The following TSPAN12 variants were observed in gnomAD, a reference collection of about 807,000 sequenced individuals.
TSPAN12 encodes tetraspanin-12.
A neutral mutation model predicts 39.2 loss-of-function variants in TSPAN12; 19 were observed. That is an observed-to-expected ratio of 0.49 (90% CI 0.34 to 0.71). The LOEUF (loss-of-function observed/expected upper bound fraction) is 0.71, where lower values mean the gene tolerates loss of function less well. Ranked by LOEUF, TSPAN12 falls within the 30% of genes least tolerant of loss-of-function variation. TSPAN12 has a pLI of 0.01. For synonymous variants in TSPAN12, 119 were observed against 124.8 expected, an observed-to-expected ratio of 0.95 and a Z score of 0.31; for missense variants, 314 against 359.9, an observed-to-expected ratio of 0.87 and a Z score of 1.03.
At chr7:120,816,179 T>C (rs548533907) in intron 4 of TSPAN12, among the ~76,000 whole-genome samples, 4 of 152,140 alleles carry the variant, frequency 2.6e-5, no homozygotes, top group Admixed American at 6.5e-5. Context: ...CTCTGCACCA[T>C]GAGCAGATTT....
chr7:120,798,048 T>A (rs1393585600), intron 7 of TSPAN12, among the ~76,000 whole-genome samples: 1 of 152,158 alleles, frequency 6.6e-6, no homozygotes, highest in Non-Finnish European at 1.5e-5. Context: ...AAGGGCAAAA[T>A]TTGCAAGTCT....
At chr7:120,841,484 C>T (rs1286655437) in intron 2 of TSPAN12, among the ~76,000 whole-genome samples, 2 of 151,874 alleles carry the variant, frequency 1.3e-5, no homozygotes, top group African/African-American at 2.4e-5. Flanking sequence ...AAGACATGAC[C>T]CAGTGCAATA....
In TSPAN12 at chr7:120,813,652, T is replaced by A. The variant is rs6943007; in HGVS notation, c.360+2077A>T. ...AAACAAATTGCTAAAACCCTTTTAATTACCAAACAGCAGACAATAAAAAGC... is the reference window on the plus strand; with the variant it reads ...AAACAAATTGCTAAAACCCTTTTAAATACCAAACAGCAGACAATAAAAAGC... On this transcript the variant is annotated intron_variant, in intron 5 of 7. Coordinates refer to ENST00000222747, the MANE Select transcript of TSPAN12 (RefSeq NM_012338.4). 2.7e-3 allele frequency among the ~76,000 whole-genome samples: 418 copies of A among 152,264 alleles called. 3 individuals carry two copies. The highest frequency in any genetic ancestry group is 9.9e-3 in the African/African-American group (411 of 41,558).
At position 120,828,202 on chromosome 7, in the gene TSPAN12, C is replaced by G. The variant is rs564465821; in HGVS notation, c.285+10575G>C. On this transcript the variant is annotated intron_variant, in intron 4 of 7. Transcript: ENST00000222747. ...AAAACGTAATTCTCCCTTACTTAGC[C>G]AAGAGTAACAAGACCAGGTATCCAT... 2.0e-5 allele frequency among the ~76,000 whole-genome samples: 3 copies of G among 152,196 alleles called. No individual in the cohort carries two copies. The East Asian group carries it at 5.8e-4, about 29-fold the overall frequency.
chr7:120,820,814 C>G (rs1362642193), intron 4 of TSPAN12, among the ~76,000 whole-genome samples: 1 of 152,106 alleles, frequency 6.6e-6, no homozygotes, highest in Non-Finnish European at 1.5e-5. Context: ...TCAGTATTCC[C>G]TTGGGTTTCT....
intron 4 of TSPAN12, among the ~76,000 whole-genome samples, chr7:120,821,271 T>C (rs1794182251): frequency 6.6e-6 from 1 of 152,068 alleles, no homozygotes; most frequent in Admixed American, 6.6e-5. Flanking sequence ...ATTCTGATAA[T>C]AGGATACACC....
intron 5 of TSPAN12, chr7:120,814,352 T>C (rs543260020): frequency 5.7e-5 from 25 of 439,956 alleles, no homozygotes; most frequent in African/African-American, 4.2e-4. Flanking sequence ...TGCCCAGTCC[T>C]TGCCCGTTCC....
chr7:120,846,101 A>G (rs933642433), intron 2 of TSPAN12, among the ~76,000 whole-genome samples: 3 of 152,158 alleles, frequency 2.0e-5, no homozygotes, highest in African/African-American at 2.4e-5. Flanking sequence ...GAGGAGGAGT[A>G]AGAGAGAGAA....
At chr7:120,833,845 G>A (rs1481338144) in intron 4 of TSPAN12, among the ~76,000 whole-genome samples, 2 of 152,104 alleles carry the variant, frequency 1.3e-5, no homozygotes, top group African/African-American at 4.8e-5. Context: ...AGGTAGAACT[G>A]CAATAACAAA....
intron 2 of TSPAN12, among the ~76,000 whole-genome samples, chr7:120,853,493 T>TATATATACAC (rs10639551): frequency 3.4e-5 from 5 of 145,920 alleles, no homozygotes; most frequent in Admixed American, 2.7e-4. Flanking sequence ...TATATATATA[T>TATATATACAC]ACACACACAT....
intron 5 of TSPAN12, 54 bp from the exon 6 acceptor site, chr7:120,810,624 T>TCACACACA (rs112555207): frequency 4.4e-4 from 316 of 716,394 alleles, no homozygotes; most frequent in East Asian, 2.1e-3. Context: ...AGACACAGAT[T>TCACACACA]CACACACACA....
At chr7:120,832,165 T>G (rs191559227) in intron 4 of TSPAN12, among the ~76,000 whole-genome samples, 1 of 152,206 alleles carries the variant, frequency 6.6e-6, no homozygotes, top group Non-Finnish European at 1.5e-5. Flanking sequence ...TTCAGCCACC[T>G]TCCTCCAGTC....
chr7:120,824,624 T>C (rs894652340), intron 4 of TSPAN12, among the ~76,000 whole-genome samples: 1 of 152,210 alleles, frequency 6.6e-6, no homozygotes, highest in East Asian at 1.9e-4. Flanking sequence ...AATGAAAAAG[T>C]AAATTTTTTC....
chr7:120,846,992 C>T (rs376375992), intron 2 of TSPAN12, among the ~76,000 whole-genome samples: 1 of 152,090 alleles, frequency 6.6e-6, no homozygotes, highest in Non-Finnish European at 1.5e-5. Flanking sequence ...AAAATTGGCA[C>T]ATGGTGAGAA....
At chr7:120,837,148 G>A (rs1195154918) in intron 4 of TSPAN12, among the ~76,000 whole-genome samples, 1 of 152,132 alleles carries the variant, frequency 6.6e-6, no homozygotes, top group African/African-American at 2.4e-5. Context: ...TTCATGTAAA[G>A]TAAGTCCTTT....
At position 120,788,493 on chromosome 7, in the gene TSPAN12, C is replaced by T. The variant is rs889225396; in HGVS notation, c.*99G>A. ...ATGCTTAGGTGTTATTTTATGGCAA[C>T]ATTTTTATTTCTACATATTTCTGAA... On this transcript the variant is annotated 3_prime_UTR_variant, in exon 8 of 8. Transcript: ENST00000222747. 1 of 1,449,120 alleles carries T rather than the reference C, an allele frequency of 6.9e-7. No individual in the cohort carries two copies. Among genetic ancestry groups the T allele is most frequent in the Non-Finnish European group, 9.6e-7 (1 of 1,037,878 alleles). The allele number at this position is 1,449,120 out of a possible 1,614,324, so 89.8% of individuals were successfully genotyped here.
intron 7 of TSPAN12, 108 bp from the exon 8 acceptor site, chr7:120,789,005 G>A (rs1033860085): frequency 8.8e-7 from 1 of 1,138,130 alleles, no homozygotes; most frequent in African/African-American, 1.5e-5. Flanking sequence ...AGACTAACTG[G>A]GATCATAAAG....
chr7:120,811,656 C>T (rs13230880), intron 5 of TSPAN12, among the ~76,000 whole-genome samples: 3 of 144,776 alleles, frequency 2.1e-5, no homozygotes, highest in Admixed American at 7.0e-5. Context: ...GGTGACAGAG[C>T]GAGACTCGGT....
At position 120,817,236 on chromosome 7, in the gene TSPAN12, A is replaced by G. The variant is rs183359985; in HGVS notation, c.286-1433T>C. Among the ~76,000 whole-genome samples the G allele has an allele frequency of 3.7e-4, 57 of 152,118 alleles. No individual in the cohort carries two copies. In the East Asian group the frequency reaches 7.0e-3, roughly 19 times the overall value. On this transcript the variant is annotated intron_variant, in intron 4 of 7. Coordinates refer to ENST00000222747, the MANE Select transcript of TSPAN12 (RefSeq NM_012338.4). ...AAAAAGAAAAAAAGAAGAAGAAAAG[A>G]AAATTAGCCAGGCATGGTGGTATGT...
Sources: gnomAD v4.1 joint callset for allele counts (sites outside exome capture counted in the v4.1 genomes callset) on GRCh38, gnomAD v4.1.1 for gene constraint, MANE v1.5 for transcripts, NCBI Gene and HGNC (gene_info 2026-07-23, HGNC 2026-07-21) for gene names.